TBCA: variants seen among roughly 807,000 people sequenced by gnomAD.
TBCA encodes the protein tubulin folding cofactor A.
A neutral mutation model predicts 15.8 loss-of-function variants in TBCA; 6 were observed. That is an observed-to-expected ratio of 0.38 (90% confidence interval 0.21 to 0.75). The LOEUF (loss-of-function observed/expected upper bound fraction) is 0.75. Ranked by LOEUF, TBCA falls within the 30% of genes least tolerant of loss-of-function variation. TBCA has a pLI of 0.46. For synonymous variants in TBCA, 32 were observed against 42.3 expected (o/e 0.76, Z 0.94); for missense variants, 90 against 131.2 (o/e 0.69, Z 1.53).
chr5:77,757,053 TTCTG>T (rs1747492578), intron 1 of TBCA, among the ~76,000 whole-genome samples: 1 of 152,204 alleles, frequency 6.6e-6, no homozygotes, highest in Admixed American at 6.5e-5. Flanking sequence ...CTTGGTTTTA[TTCTG>T]GTTTTCTTTT....
chr5:77,737,082 A>G (rs1746926922), intron 1 of TBCA, among the ~76,000 whole-genome samples: 1 of 152,236 alleles, frequency 6.6e-6, no homozygotes, highest in South Asian at 2.1e-4. Flanking sequence ...AGAGCTTACA[A>G]TTGAATAGTT....
chr5:77,770,229 C>A (rs769512416), intron 1 of TBCA, among the ~76,000 whole-genome samples: 7 of 152,084 alleles, frequency 4.6e-5, no homozygotes, highest in Admixed American at 2.6e-4. Flanking sequence ...TAGAAAATAT[C>A]AATTCTGCAT....
chr5:77,770,624 A>C (rs1747883339), intron 1 of TBCA, among the ~76,000 whole-genome samples: 1 of 152,064 alleles, frequency 6.6e-6, no homozygotes, highest in Admixed American at 6.6e-5. Flanking sequence ...GGGGGAAAAA[A>C]CTGAGTATTA....
At chr5:77,694,525 T>C (rs141778891) in intron 2 of TBCA, among the ~76,000 whole-genome samples, 41 of 152,276 alleles carry the variant, frequency 2.7e-4, no homozygotes, top group African/African-American at 9.4e-4. Context: ...ATGCCACATA[T>C]TGGACTTCAA....
At chr5:77,749,220 C>T (rs145074849) in intron 1 of TBCA, among the ~76,000 whole-genome samples, 272 of 152,284 alleles carry the variant, frequency 1.8e-3, no homozygotes, top group Non-Finnish European at 3.2e-3. Flanking sequence ...ATGAACTGTT[C>T]ACAAGAAGGT....
chr5:77,698,147 C>CA (rs1476938756), intron 2 of TBCA, among the ~76,000 whole-genome samples: 3 of 143,982 alleles, frequency 2.1e-5, no homozygotes, highest in Non-Finnish European at 3.1e-5. Flanking sequence ...ATTAAAAAAC[C>CA]AAAAAGCTGG....
At chr5:77,757,910 G>A (rs1303047227) in intron 1 of TBCA, among the ~76,000 whole-genome samples, 1 of 152,154 alleles carries the variant, frequency 6.6e-6, no homozygotes, top group Non-Finnish European at 1.5e-5. Context: ...CACCAAATAT[G>A]TTAGGGGTGG....
At chr5:77,762,985 T>C (rs1747678999) in intron 1 of TBCA, among the ~76,000 whole-genome samples, 3 of 152,226 alleles carry the variant, frequency 2.0e-5, no homozygotes, top group Admixed American at 2.0e-4. Context: ...GGCTCACGCC[T>C]GTAATCCCAG....
chr5:77,743,935 G>A (rs1039808687), intron 1 of TBCA, among the ~76,000 whole-genome samples: 1 of 152,156 alleles, frequency 6.6e-6, no homozygotes, highest in Non-Finnish European at 1.5e-5. Context: ...AAGATCCAAA[G>A]AGGCAATTAA....
At chr5:77,718,130 C>CA (rs1472166435) in intron 1 of TBCA, among the ~76,000 whole-genome samples, 2 of 151,734 alleles carry the variant, frequency 1.3e-5, no homozygotes, top group African/African-American at 2.4e-5. Flanking sequence ...AATTCTGTCT[C>CA]AAAAAAACAA....
intron 2 of TBCA, among the ~76,000 whole-genome samples, chr5:77,703,642 T>G (rs1746075110): frequency 6.6e-6 from 1 of 152,188 alleles, no homozygotes; most frequent in African/African-American, 2.4e-5. Context: ...AGTGGCATGA[T>G]CACGGCTCAC....
chr5:77,746,322 T>C (rs1337777990), intron 1 of TBCA, among the ~76,000 whole-genome samples: 4 of 152,158 alleles, frequency 2.6e-5, no homozygotes, highest in African/African-American at 9.7e-5. Context: ...GTTTTACTTT[T>C]TCAATTATTT....
chr5:77,699,549 C>T (rs1745957868), intron 2 of TBCA, among the ~76,000 whole-genome samples: 1 of 152,152 alleles, frequency 6.6e-6, no homozygotes, highest in African/African-American at 2.4e-5. Context: ...AGATGAATCT[C>T]AAACCAAACC....
chr5:77,691,740 T>A, intron 3 of TBCA: 1 of 1,156,952 alleles, frequency 8.6e-7, no homozygotes, highest in Non-Finnish European at 1.1e-6. Context: ...AATAAGTGAA[T>A]AACAGTCTTC....
At chr5:77,717,791 C>T (rs911730083) in intron 1 of TBCA, among the ~76,000 whole-genome samples, 2 of 140,038 alleles carry the variant, frequency 1.4e-5, no homozygotes, top group Non-Finnish European at 3.1e-5. Context: ...GAGATCGTGC[C>T]ATTACACTCC....
At chr5:77,774,100 G>C (rs1311474320) in intron 1 of TBCA, among the ~76,000 whole-genome samples, 4 of 152,102 alleles carry the variant, frequency 2.6e-5, no homozygotes, top group Non-Finnish European at 5.9e-5. Flanking sequence ...CCTCCCTTTG[G>C]AACTCAGGAA....
chr5:77,756,536 T>C (rs1472838198), intron 1 of TBCA, among the ~76,000 whole-genome samples: 1 of 151,858 alleles, frequency 6.6e-6, no homozygotes, highest in Non-Finnish European at 1.5e-5. Context: ...CCAATGGAGA[T>C]TAATTTTGGA....
chr5:77,699,546 T>C (rs1263376575), intron 2 of TBCA, among the ~76,000 whole-genome samples: 1 of 152,086 alleles, frequency 6.6e-6, no homozygotes, highest in Non-Finnish European at 1.5e-5. Context: ...AAAAGATGAA[T>C]CTCAAACCAA....
At chr5:77,698,099 G>A (rs968813475) in intron 2 of TBCA, among the ~76,000 whole-genome samples, 11 of 150,716 alleles carry the variant, frequency 7.3e-5, no homozygotes, top group African/African-American at 2.0e-4. Context: ...CAGCCTGGGC[G>A]ACAGAGTGAA....
Sources: allele counts gnomAD v4.1 joint callset (sites outside exome capture counted in the v4.1 genomes callset), GRCh38; gene constraint gnomAD v4.1.1; transcripts MANE v1.5; gene names NCBI Gene and HGNC (gene_info 2026-07-23, HGNC 2026-07-21).